Variants in ENOSF1 observed in about 807,000 individuals in gnomAD.
ENOSF1 encodes the protein mitochondrial enolase superfamily member 1.
In ENOSF1, 73 loss-of-function variants were observed where a neutral mutation model predicts 68.2. The observed-to-expected ratio is 1.07, with a 90% CI of 0.89 to 1.30. ENOSF1 has a LOEUF of 1.30. ENOSF1 is among the 50% of genes most tolerant of loss of function. ENOSF1 has a pLI of 0.00. For synonymous variants in ENOSF1, 223 were observed against 210.4 expected, an observed-to-expected ratio of 1.06 and a Z score of -0.52; for missense variants, 589 against 554.5, an observed-to-expected ratio of 1.06 and a Z score of -0.62.
Position 673,107 on chromosome 18 carries a change from T to C in ENOSF1, c.*1198A>G. The C allele has an allele frequency of 1.7e-6, 2 of 1,202,456 alleles. No homozygotes were observed. Among genetic ancestry groups the C allele is most frequent in the South Asian group, 2.2e-5 (1 of 44,896 alleles). The allele number at this position is 1,202,456 out of a possible 1,614,324, so 74.5% of individuals were successfully genotyped here. A position where few individuals can be genotyped will look rare whatever the true frequency, so the allele number is the denominator to read the frequency against. On this transcript the variant is annotated 3_prime_UTR_variant, in exon 16 of 16. Coordinates refer to ENST00000647584, the MANE Select transcript of ENOSF1 (RefSeq NM_017512.7). ...AGAAAAAGGAACTAGGTCAAAAATC[T>C]GTCCGTGACCTATCAGTTATTAATT...
In ENOSF1 at chr18:685,986, C is replaced by A. The variant is rs373139910; in HGVS notation, c.676G>T (p.Asp226Tyr). 9.3e-6 allele frequency: 15 copies of A among 1,613,974 alleles called. No individual in the cohort carries two copies. The highest frequency in any genetic ancestry group is 1.3e-5 in the Non-Finnish European group (15 of 1,179,978). Residue 226 changes from aspartate to tyrosine, a missense_variant, in exon 10 of 16, where the codon GAT (aspartate) becomes TAT (tyrosine). Asp to Tyr is a radical substitution (Grantham distance 160, BLOSUM62 -3). Transcript: ENST00000647584. The part of the protein sequence containing the change: ...WTRFKVKVGA[D>Y]LQDDMRRCQI... ...CATCTTCGCATGTCATCCTGGAGAT[C>A]AGCACCCACCTTTACTTTAAACCTA...
intron 4 of ENOSF1, 91 bp downstream of exon 4, chr18:694,157 G>C: frequency 1.5e-6 from 2 of 1,312,234 alleles, no homozygotes; most frequent in Non-Finnish European, 2.1e-6. Context: ...CCTTTTGGGG[G>C]CTGCAGTGTG....
chr18:703,888 G>A (rs761130195), intron 2 of ENOSF1, among the ~76,000 whole-genome samples: 1 of 152,148 alleles, frequency 6.6e-6, no homozygotes. Context: ...CTTTGAGATA[G>A]TGAGTGAGTT....
chr18:675,533 C>A, intron 14 of ENOSF1, 131 bp from the exon 15 acceptor site: 2 of 762,656 alleles, frequency 2.6e-6, no homozygotes, highest in Non-Finnish European at 2.2e-6. Context: ...TGTTACCATG[C>A]GTTTCTAGGC....
intron 5 of ENOSF1, chr18:692,630 AAAAG>A: frequency 3.1e-5 from 11 of 354,248 alleles, no homozygotes; most frequent in Non-Finnish European, 3.9e-5. Flanking sequence ...AAAAAAAGAA[AAAAG>A]AAAAGAGTAC....
In ENOSF1 at chr18:712,570, G is replaced by A. The variant is rs892200320; in HGVS notation, c.18C>T (p.Ile6=). 3.9e-6 allele frequency: 6 copies of A among 1,535,338 alleles called. No individual in the cohort carries two copies. The highest frequency in any genetic ancestry group is 2.5e-5 in the East Asian group (1 of 40,608). MVRGR[I]SRLSVRDVRF... ...GCACGTCCCGGACCGAGAGCCGGGAGATCCTGCCGCGCACCATGGCCCCTG... is the reference window on the plus strand; with the variant it reads ...GCACGTCCCGGACCGAGAGCCGGGAAATCCTGCCGCGCACCATGGCCCCTG... The change falls in exon 1 of 16, where the codon ATC becomes ATT. Residue 6 remains isoleucine, a synonymous_variant. Coordinates refer to ENST00000647584, the MANE Select transcript of ENOSF1 (RefSeq NM_017512.7).
downstream of ENOSF1, chr18:669,397 G>A: frequency 2.5e-6 from 1 of 407,722 alleles, no homozygotes; most frequent in Non-Finnish European, 4.4e-6. Flanking sequence ...TTTTGAGACA[G>A]AGTTTTGCTC....
At chr18:691,429 T>C in intron 5 of ENOSF1, 153 bp from the exon 6 acceptor site, 1 of 629,910 alleles carries the variant, frequency 1.6e-6, no homozygotes, top group Non-Finnish European at 2.7e-6. Context: ...CACTGCAGCC[T>C]CAGTCTCCCT....
intron 4 of ENOSF1, 152 bp from the exon 5 acceptor site, chr18:694,060 C>A: frequency 9.8e-7 from 1 of 1,021,752 alleles, no homozygotes; most frequent in Non-Finnish European, 1.5e-6. Context: ...GCCATCCTGT[C>A]TCCTCTTTCT....
intron 7 of ENOSF1, 44 bp from the exon 8 acceptor site, chr18:690,675 C>T (rs2077052447): frequency 7.5e-7 from 1 of 1,333,944 alleles, no homozygotes; most frequent in Non-Finnish European, 1.0e-6. Context: ...TTTCCAGGGC[C>T]CTTCGGAATT....
chr18:694,289 G>A lies in ENOSF1; in HGVS notation c.355C>T (p.Leu119=), dbSNP rs1389631541. ...GCCCACAAGTCCCACACCGCGTTTA[G>A]GACGGCCGCTGTCGCCAGGTGCACC... ...GVVHLATAAV[L]NAVWDLWAKQ... The change falls in exon 4 of 16, where the codon CTA becomes TTA. Residue 119 remains leucine (L), a synonymous_variant. Coordinates refer to ENST00000647584, the MANE Select transcript of ENOSF1 (RefSeq NM_017512.7). 1.2e-6 allele frequency: 2 copies of A among 1,614,180 alleles called. No homozygotes were observed. The highest frequency in any genetic ancestry group is 2.2e-5 in the East Asian group (1 of 44,886).
chr18:686,172 T>C, intron 9 of ENOSF1, 164 bp from the exon 10 acceptor site: 1 of 613,334 alleles, frequency 1.6e-6, no homozygotes, highest in Non-Finnish European at 2.9e-6. Context: ...GAAATAAACC[T>C]GGGAACTTTA....
Position 683,748 on chromosome 18 carries a change from C to G in ENOSF1, c.742-368G>C, listed in dbSNP as rs571554433. Among the ~76,000 whole-genome samples, 3 of 151,956 alleles carry G rather than the reference C, an allele frequency of 2.0e-5. No individual in the cohort carries two copies. The East Asian group carries it at 6.0e-4, about 30-fold the overall frequency. ...GCAGTGTTGGTTCTGTTCGTAGAAA[C>G]CATTTTGTCACATTCTGAATCATGC... On this transcript the variant is annotated intron_variant, in intron 10 of 15. Coordinates refer to ENST00000647584, the MANE Select transcript of ENOSF1 (RefSeq NM_017512.7).
intron 9 of ENOSF1, 92 bp downstream of exon 9, chr18:688,482 C>G (rs1358191192): frequency 2.6e-6 from 4 of 1,566,110 alleles, no homozygotes; most frequent in Non-Finnish European, 3.5e-6. Flanking sequence ...CCCGTGGGTG[C>G]CTTTTACTCC....
downstream of ENOSF1, chr18:669,367 T>A (rs1284107353): frequency 2.4e-5 from 1 of 41,706 alleles, no homozygotes; most frequent in Non-Finnish European, 3.9e-5. Context: ...GCCCAGAGGA[T>A]TTTTTTTTTT....
chr18:671,528 C>T lies in ENOSF1; in HGVS notation c.*2777G>A, dbSNP rs2075050021. 4 of 918,300 alleles carry T rather than the reference C, an allele frequency of 4.4e-6. No individual in the cohort carries two copies. Among genetic ancestry groups the T allele is most frequent in the Non-Finnish European group, 7.2e-6 (4 of 554,152 alleles). 56.9% of individuals were successfully genotyped at this position (918,300 alleles called of 1,614,324 possible). A position where few individuals can be genotyped will look rare whatever the true frequency, so the allele number is the denominator to read the frequency against. On this transcript the variant is annotated 3_prime_UTR_variant, in exon 16 of 16. Transcript: ENST00000647584. ...GTTGACTGTGGAACAGGCATCTGCT[C>T]AATGCTGTGTCCAAGATAAAGATGA...
chr18:695,976 A>C (rs2077668512), intron 3 of ENOSF1, among the ~76,000 whole-genome samples: 1 of 152,156 alleles, frequency 6.6e-6, no homozygotes, highest in Admixed American at 6.5e-5. Context: ...ATGGGAGACT[A>C]AGCCGGGTTA....
At chr18:667,334 A>AGATGGTGATGGAGATGGT (rs1598469460), downstream of ENOSF1, among the ~76,000 whole-genome samples, 3 of 13,142 alleles carry the variant, frequency 2.3e-4, 1 homozygote, top group Non-Finnish European at 3.6e-4. Flanking sequence ...ATGGTGATGG[A>AGATGGTGATGGAGATGGT]GATGGTGATG....
At chr18:693,347 G>A in intron 5 of ENOSF1, 4 of 1,194,522 alleles carry the variant, frequency 3.3e-6, no homozygotes, top group East Asian at 5.9e-5. Flanking sequence ...TTTGAGACAG[G>A]GTCTTGCTCT....
Sources: allele counts gnomAD v4.1 joint callset (sites outside exome capture counted in the v4.1 genomes callset), GRCh38; gene constraint gnomAD v4.1.1; transcripts MANE v1.5; gene names NCBI Gene and HGNC (gene_info 2026-07-23, HGNC 2026-07-21).